The following LAMA3 variants were observed in gnomAD, a reference collection of about 807,000 sequenced individuals.
The protein encoded by LAMA3 is laminin subunit alpha 3.
LAMA3 carries 281 observed loss-of-function variants against 402.0 expected under a neutral mutation model. The ratio of observed to expected loss-of-function variants is 0.70; its 90% confidence interval spans 0.63 to 0.77. The LOEUF is 0.77. LAMA3 is among the 30% of genes least tolerant of loss of function. The pLI is 0.00. For synonymous variants in LAMA3, 1,431 were observed against 1,558.4 expected (o/e 0.92, Z 1.93); for missense variants, 3,840 against 4,215.5 (o/e 0.91, Z 2.47).
chr18:23,867,464 G>A (rs149402658), intron 36 of LAMA3, among the ~76,000 whole-genome samples: 2,192 of 148,920 alleles, frequency 0.015, 53 homozygotes, highest in African/African-American at 0.052. Flanking sequence ...CAGGAGAATC[G>A]CTTGAACCCG....
intron 32 of LAMA3, among the ~76,000 whole-genome samples, chr18:23,851,159 A>G (rs2063935231): frequency 6.6e-6 from 1 of 152,240 alleles, no homozygotes; most frequent in Admixed American, 6.5e-5. Flanking sequence ...GATGCACTTC[A>G]TCAAATAATC....
intron 1 of LAMA3, among the ~76,000 whole-genome samples, chr18:23,693,079 C>T (rs1391105425): frequency 6.6e-6 from 1 of 152,176 alleles, no homozygotes; most frequent in South Asian, 2.1e-4. Context: ...CATGGTGGCT[C>T]ACGCCTGTAA....
intron 2 of LAMA3, among the ~76,000 whole-genome samples, chr18:23,725,430 G>T (rs2061283191): frequency 6.6e-6 from 1 of 152,202 alleles, no homozygotes; most frequent in African/African-American, 2.4e-5. Flanking sequence ...ATTCTTTTCT[G>T]GTGGTCACTG....
At position 23,894,971 on chromosome 18, in the gene LAMA3, G is replaced by C; in HGVS notation, c.5526G>C (p.Leu1842=). 2 of 1,614,086 alleles carry C rather than the reference G, an allele frequency of 1.2e-6. No homozygotes were observed. The highest frequency in any genetic ancestry group is 1.7e-6 in the Non-Finnish European group (2 of 1,179,978). The change falls in exon 44 of 75, where the codon CTG becomes CTC. Residue 1842 remains leucine, a synonymous_variant. Coordinates refer to ENST00000313654, the MANE Select transcript of LAMA3 (RefSeq NM_198129.4). The part of the protein sequence containing the change: ...DLATMGEQLR[L]VKSQLQGLSA... ...CCACCATGGGCGAGCAGCTCCGCCT[G>C]GTCAAGTCTCAGCTGCAGGGCCTGA...
intron 2 of LAMA3, among the ~76,000 whole-genome samples, chr18:23,715,457 G>A (rs2061080969): frequency 6.6e-6 from 1 of 152,090 alleles, no homozygotes; most frequent in Non-Finnish European, 1.5e-5. Flanking sequence ...TGATAAGAGA[G>A]CATTGAAAAG....
intron 41 of LAMA3, among the ~76,000 whole-genome samples, chr18:23,888,102 G>T (rs375563925): frequency 6.6e-6 from 1 of 152,296 alleles, no homozygotes; most frequent in Non-Finnish European, 1.5e-5. Context: ...AAGTATTCTA[G>T]AACACAGAGC....
intron 68 of LAMA3, among the ~76,000 whole-genome samples, chr18:23,941,022 A>C (rs1599155574): frequency 7.1e-6 from 1 of 141,574 alleles, no homozygotes. Context: ...TGCAACTTCC[A>C]CCTCCTGGGT....
chr18:23,713,878 TAAAAAAC>T (rs1568104907), intron 1 of LAMA3, 35 bp from the exon 2 acceptor site: 2 of 1,587,044 alleles, frequency 1.3e-6, no homozygotes, highest in Admixed American at 1.7e-5. Flanking sequence ...AGTAAAAAAA[TAAAAAAC>T]AAAAAACAAA....
At position 23,864,855 on chromosome 18, in the gene LAMA3, T is replaced by C. The variant is rs1172410464; in HGVS notation, c.4655T>C (p.Leu1552Pro). 6.2e-7 allele frequency: 1 copy of C among 1,613,496 alleles called. No individual in the cohort carries two copies. Among genetic ancestry groups the C allele is most frequent in the African/African-American group, 1.3e-5 (1 of 74,922 alleles). The change falls in exon 36 of 75, where the codon CTG (leucine) becomes CCG (proline). Residue 1552 changes from leucine to proline, a missense_variant. Leu to Pro is a moderately conservative substitution (Grantham distance 98). This residue lies in a region of LAMA3 where 2,109 missense variants were observed against 2,376.0 expected (regional missense o/e 0.89). Transcript: ENST00000313654. ...GGCTTGCCTGGCGACATGGTTCTTC[T>C]GGAAAAGAAGCCGGATGTACAGCTC... The part of the protein sequence containing the change: ...SFGLPGDMVL[L>P]EKKPDVQLTG...
chr18:23,915,542 C>A, intron 59 of LAMA3, 120 bp downstream of exon 59: 2 of 922,844 alleles, frequency 2.2e-6, no homozygotes, highest in Non-Finnish European at 3.5e-6. Flanking sequence ...TGCTTTGGGC[C>A]AGTAGTTCTT....
At chr18:23,713,409 A>G (rs915818855) in intron 1 of LAMA3, among the ~76,000 whole-genome samples, 1 of 152,150 alleles carries the variant, frequency 6.6e-6, no homozygotes, top group Non-Finnish European at 1.5e-5. Context: ...ATCTACCGCC[A>G]TTGGCCACAG....
intron 70 of LAMA3, among the ~76,000 whole-genome samples, chr18:23,948,984 C>G (rs2082807357): frequency 6.6e-6 from 1 of 152,184 alleles, no homozygotes; most frequent in Non-Finnish European, 1.5e-5. Flanking sequence ...CGGTGAATCT[C>G]AAACTTTCTT....
chr18:23,923,970 T>C (rs1051232102), intron 62 of LAMA3, among the ~76,000 whole-genome samples: 1 of 152,218 alleles, frequency 6.6e-6, no homozygotes, highest in Admixed American at 6.5e-5. Flanking sequence ...TCTCCATCCA[T>C]TAAAGAAATA....
At chr18:23,876,517 G>T in intron 39 of LAMA3, 110 bp downstream of exon 39, 1 of 719,216 alleles carries the variant, frequency 1.4e-6, no homozygotes. Flanking sequence ...ACCCTAAATA[G>T]AGGTCGCTGT....
chr18:23,911,698 A>C (rs1350190056), intron 55 of LAMA3, among the ~76,000 whole-genome samples: 1 of 151,118 alleles, frequency 6.6e-6, no homozygotes, highest in Non-Finnish European at 1.5e-5. Context: ...ATAATAAATA[A>C]AACTGTAACA....
chr18:23,746,771 T>C (rs1325635989), intron 2 of LAMA3, among the ~76,000 whole-genome samples: 10 of 151,970 alleles, frequency 6.6e-5, no homozygotes, highest in Non-Finnish European at 1.5e-4. Flanking sequence ...CAATAATTTT[T>C]AAAAATATAA....
chr18:23,872,974 G>C, intron 38 of LAMA3: 2 of 1,599,832 alleles, frequency 1.3e-6, no homozygotes, highest in Non-Finnish European at 1.7e-6. Context: ...CCCGGGCACT[G>C]AGCAGGAAGG....
At position 23,847,547 on chromosome 18, in the gene LAMA3, G is replaced by A; in HGVS notation, c.4015G>A (p.Val1339Met). ...CCGCACGGTCAGGCCCCAGTGTGAG[G>A]TGTGTGAGACACACTCATTCAGCTT... ...PPRTVRPQCEVCETHSFSFHP... is the reference protein window; with the variant it reads ...PPRTVRPQCEMCETHSFSFHP... Residue 1339 changes from valine to methionine, a missense_variant, in exon 32 of 75, where the codon GTG becomes ATG. Transcript: ENST00000313654. 1.2e-6 allele frequency: 2 copies of A among 1,614,100 alleles called. No individual in the cohort carries two copies. The highest frequency in any genetic ancestry group is 1.7e-6 in the Non-Finnish European group (2 of 1,180,042).
At chr18:23,767,591 T>TTC (rs1398329925) in intron 8 of LAMA3, among the ~76,000 whole-genome samples, 1 of 149,474 alleles carries the variant, frequency 6.7e-6, no homozygotes, top group African/African-American at 2.5e-5. Flanking sequence ...TTTTTTTTTT[T>TTC]TTTTTAGACA....
Sources: gnomAD v4.1 joint callset for allele counts (sites outside exome capture counted in the v4.1 genomes callset) on GRCh38, gnomAD v4.1.1 for gene constraint, gnomAD v4.1.1 regional missense constraint, MANE v1.5 for transcripts, NCBI Gene and HGNC (gene_info 2026-07-23, HGNC 2026-07-21) for gene names.